Variants in N4BP3 observed in about 807,000 individuals in gnomAD.
N4BP3 encodes NEDD4-binding protein 3.
A neutral mutation model predicts 43.8 loss-of-function variants in N4BP3; 33 were observed. The observed-to-expected ratio is 0.75, with a 90% CI of 0.57 to 1.01. The LOEUF is 1.01. N4BP3 is among the 50% of genes least tolerant of loss of function. N4BP3 has a pLI of 0.00. For missense variants in N4BP3, 756 were observed against 744.2 expected (o/e 1.02, Z -0.18); for synonymous variants, 326 against 321.9 (o/e 1.01, Z -0.14).
downstream of N4BP3, among the ~76,000 whole-genome samples, chr5:178,126,812 T>G (rs1391739622): frequency 6.6e-6 from 1 of 152,192 alleles, no homozygotes; most frequent in Admixed American, 6.5e-5. Context: ...CTGGGCTGCT[T>G]GAGAGGTTTT....
chr5:178,115,439 C>A (rs1028061769), intron 1 of N4BP3, among the ~76,000 whole-genome samples: 2 of 152,136 alleles, frequency 1.3e-5, no homozygotes, highest in Non-Finnish European at 2.9e-5. Context: ...GGTGGTGGGA[C>A]CTTTCCCTGG....
chr5:178,119,272 C>G lies in N4BP3; in HGVS notation c.-30-282C>G, dbSNP rs566907846. Among the ~76,000 whole-genome samples, 97 of 152,342 alleles carry G rather than the reference C, an allele frequency of 6.4e-4. 1 individual carries two copies. The highest frequency in any genetic ancestry group is 7.8e-4 in the Admixed American group (12 of 15,302). ...GTACTTCTGAATCCCACACAGGCCC[C>G]GAGGTGGAGCTGGCCCTTCGGTGCT... On this transcript the variant is annotated intron_variant, in intron 1 of 4. Transcript: ENST00000274605.
rs1757956129 is a variant in N4BP3 at position 178,122,475 on chromosome 5, C to T, written c.*474C>T. The T allele has an allele frequency of 6.1e-6, 1 of 164,850 alleles. No individual in the cohort carries two copies. Among genetic ancestry groups the T allele is most frequent in the South Asian group, 1.6e-4 (1 of 6,258 alleles). 10.2% of individuals were successfully genotyped at this position (164,850 alleles called of 1,614,324 possible). On this transcript the variant is annotated 3_prime_UTR_variant, in exon 5 of 5. Transcript: ENST00000274605. ...TCGGGATTGAGGCTGTTGACCTGGG[C>T]AGTAGCTCCTCCCATGGCCAGTGGT...
intron 1 of N4BP3, among the ~76,000 whole-genome samples, chr5:178,115,683 G>A (rs1449554772): frequency 6.6e-6 from 1 of 152,222 alleles, no homozygotes; most frequent in East Asian, 1.9e-4. Flanking sequence ...CATCTCCTGT[G>A]TGTCTTGTGA....
Position 178,125,137 on chromosome 5 carries a change from C to T in N4BP3, c.*3136C>T, listed in dbSNP as rs947022933. On this transcript the variant is annotated 3_prime_UTR_variant, in exon 5 of 5. Transcript: ENST00000274605. ...GTGGGCACCAGGTCTGTGCCAAGCA[C>T]AGGGACTCCAGGGGCAGCTGCCATT... is the stretch of plus-strand genomic sequence containing the variant. The T allele has an allele frequency of 2.9e-4, 44 of 152,356 alleles. No homozygotes were observed. Among genetic ancestry groups the T allele is most frequent in the Non-Finnish European group, 2.9e-5 (2 of 68,178 alleles). The allele number at this position is 152,356 out of a possible 1,614,324, so 9.4% of individuals were successfully genotyped here. A position where few individuals can be genotyped will look rare whatever the true frequency, so the allele number is the denominator to read the frequency against.
intron 1 of N4BP3, among the ~76,000 whole-genome samples, chr5:178,119,338 A>G (rs1037762953): frequency 6.6e-6 from 1 of 152,206 alleles, no homozygotes; most frequent in African/African-American, 2.4e-5. Context: ...TCAGTCCAGC[A>G]AGTGACAGAT....
rs372155688 is a variant in N4BP3 at position 178,122,049 on chromosome 5, G to A, written c.*48G>A. ...CAGCAACACTGTCAGAAGGTGCCCT[G>A]AGACGGCCGGCTCAGCCTTCCCTTG... On this transcript the variant is annotated 3_prime_UTR_variant, in exon 5 of 5. Coordinates refer to ENST00000274605, the MANE Select transcript of N4BP3 (RefSeq NM_015111.2). 30 of 1,519,856 alleles carry A rather than the reference G, an allele frequency of 2.0e-5. No homozygotes were observed. In the African/African-American group the frequency reaches 4.0e-4, roughly 20 times the overall value. The allele number at this position is 1,519,856 out of a possible 1,614,324, so 94.1% of individuals were successfully genotyped here. A position where few individuals can be genotyped will look rare whatever the true frequency, so the allele number is the denominator to read the frequency against.
At position 178,119,534 on chromosome 5, in the gene N4BP3, T is replaced by C. The variant is rs374718922; in HGVS notation, c.-30-20T>C. 276 of 1,499,978 alleles carry C rather than the reference T, an allele frequency of 1.8e-4. No individual in the cohort carries two copies. The highest frequency in any genetic ancestry group is 8.3e-4 in the East Asian group (36 of 43,366). 92.9% of individuals were successfully genotyped at this position (1,499,978 alleles called of 1,614,324 possible). A position where few individuals can be genotyped will look rare whatever the true frequency, so the allele number is the denominator to read the frequency against. The stretch of plus-strand genomic sequence containing the variant: ...GCAGCCAGTGCTCACCTGCCCCTAA[T>C]GGAGCCTCCCAATTCCCAGAAGCAG... On this transcript the variant is annotated intron_variant, in intron 1 of 4. Coordinates refer to ENST00000274605, the MANE Select transcript of N4BP3 (RefSeq NM_015111.2).
At chr5:178,120,886 C>T (rs1472563657) in intron 3 of N4BP3, among the ~76,000 whole-genome samples, 187 bp downstream of exon 3, 1 of 152,204 alleles carries the variant, frequency 6.6e-6, no homozygotes, top group East Asian at 1.9e-4. Flanking sequence ...GGGTCCTTGC[C>T]TGGGAGTTGT....
rs1757887329 is a variant in N4BP3 at position 178,120,377 on chromosome 5, T to C, written c.530T>C (p.Leu177Pro). The change falls in exon 3 of 5, where the codon CTA becomes CCA. Residue 177 changes from leucine (L) to proline (P), a missense_variant. Leu to Pro is a moderately conservative substitution (Grantham distance 98, BLOSUM62 -3). Transcript: ENST00000274605. Reference protein sequence around the residue: ...ARAQLLHALSLDEGGPEPEPS... With the variant: ...ARAQLLHALSPDEGGPEPEPS... The stretch of plus-strand genomic sequence containing the variant: ...GCACAGCTGCTGCACGCCCTCAGCC[T>C]AGATGAGGGCGGCCCTGAGCCCGAG... The C allele has an allele frequency of 6.2e-7, 1 of 1,612,374 alleles. No individual in the cohort carries two copies. Among genetic ancestry groups the C allele is most frequent in the Non-Finnish European group, 8.5e-7 (1 of 1,179,746 alleles).
intron 1 of N4BP3, among the ~76,000 whole-genome samples, chr5:178,116,722 C>T (rs1757781145): frequency 6.6e-6 from 1 of 152,154 alleles, no homozygotes; most frequent in South Asian, 2.1e-4. Flanking sequence ...AGGGACTTTC[C>T]CTGGACCTGC....
chr5:178,113,975 G>A (rs1757709686), intron 1 of N4BP3, among the ~76,000 whole-genome samples: 1 of 152,204 alleles, frequency 6.6e-6, no homozygotes, highest in Admixed American at 6.5e-5. Flanking sequence ...CCGAGGCACC[G>A]GATCGGGGAC....
chr5:178,114,125 T>C (rs1456175112), intron 1 of N4BP3, among the ~76,000 whole-genome samples: 2 of 152,156 alleles, frequency 1.3e-5, no homozygotes, highest in Non-Finnish European at 2.9e-5. Flanking sequence ...CGCCGGCGTC[T>C]GACCTCGGCC....
At position 178,122,661 on chromosome 5, in the gene N4BP3, C is replaced by T. The variant is rs1330499034; in HGVS notation, c.*660C>T. ...CCAGTGGAGTTTTCAGAAGGAACAA[C>T]ACCAGGGAATGCCAAAAAAACAAAG... On this transcript the variant is annotated 3_prime_UTR_variant, in exon 5 of 5. Coordinates refer to ENST00000274605, the MANE Select transcript of N4BP3 (RefSeq NM_015111.2). 2.6e-5 allele frequency: 4 copies of T among 152,210 alleles called. No individual in the cohort carries two copies. The highest frequency in any genetic ancestry group is 9.7e-5 in the African/African-American group (4 of 41,440). The allele number at this position is 152,210 out of a possible 1,614,324, so 9.4% of individuals were successfully genotyped here.
At position 178,121,538 on chromosome 5, in the gene N4BP3, T is replaced by G. The variant is rs1353191672; in HGVS notation, c.1172T>G (p.Leu391Arg). The G allele has an allele frequency of 1.2e-5, 20 of 1,613,736 alleles. No homozygotes were observed. The highest frequency in any genetic ancestry group is 1.6e-5 in the Non-Finnish European group (19 of 1,180,000). Reference protein sequence around the residue: ...KQQLREAQAELAQKLAEIFSL... With the variant: ...KQQLREAQAERAQKLAEIFSL... The stretch of plus-strand genomic sequence containing the variant: ...CAGCTGCGTGAAGCCCAGGCGGAAC[T>G]GGCCCAGAAGCTGGCGGAGATCTTC... Residue 391 changes from leucine to arginine, a missense_variant, in exon 5 of 5, where the codon CTG becomes CGG. Physicochemically the swap from Leu to Arg is moderately radical, Grantham distance 102 (BLOSUM62 -2). Coordinates refer to ENST00000274605, the MANE Select transcript of N4BP3 (RefSeq NM_015111.2).
rs141201575 is a variant in N4BP3 at position 178,119,812 on chromosome 5, C to G, written c.229C>G (p.Arg77Gly). Residue 77 changes from arginine to glycine, a missense_variant, in exon 2 of 5, where the codon CGG becomes GGG. Arg to Gly is a moderately radical substitution (Grantham distance 125). Transcript: ENST00000274605. ...KSTKNTKRAP[R>G]NEPADYATLY... is the part of the protein sequence containing the mutation. ...CACCAAGAACACCAAGCGGGCCCCTCGGAACGAGCCTGCCGACTATGCCAC... is the reference window on the plus strand; with the variant it reads ...CACCAAGAACACCAAGCGGGCCCCTGGGAACGAGCCTGCCGACTATGCCAC... 6.2e-7 allele frequency: 1 copy of G among 1,613,268 alleles called. No individual in the cohort carries two copies. Among genetic ancestry groups the G allele is most frequent in the South Asian group, 1.1e-5 (1 of 91,094 alleles).
At position 178,120,249 on chromosome 5, in the gene N4BP3, G is replaced by T; in HGVS notation, c.402G>T (p.Leu134=). 1 of 1,607,946 alleles carries T rather than the reference G, an allele frequency of 6.2e-7. No homozygotes were observed. Among genetic ancestry groups the T allele is most frequent in the Non-Finnish European group, 8.5e-7 (1 of 1,176,260 alleles). ...NGKGFLSMQS[L]ASHKGQKLWR... is the part of the protein sequence containing the mutation. ...AAGGCTTCCTATCCATGCAAAGTCT[G>T]GCGTCCCACAAAGGCCAGAAGCTGT... The change falls in exon 3 of 5, where the codon CTG becomes CTT. Residue 134 remains leucine, a synonymous_variant. Coordinates refer to ENST00000274605, the MANE Select transcript of N4BP3 (RefSeq NM_015111.2).
rs567308395 is a variant in N4BP3, at chr5:178,121,191, G to T, written c.946G>T (p.Glu316Ter). 1.9e-6 allele frequency: 3 copies of T among 1,601,836 alleles called. No homozygotes were observed. Among genetic ancestry groups the T allele is most frequent in the Non-Finnish European group, 2.5e-6 (3 of 1,177,090 alleles). The part of the protein sequence containing the change: ...HEVTQKAERS[E>*]RNLQLQLFMA... ...GGTGACCCAGAAGGCTGAGCGCAGCGAGCGCAACCTCCAGCTGCAGCTGTT... is the reference window on the plus strand; with the variant it reads ...GGTGACCCAGAAGGCTGAGCGCAGCTAGCGCAACCTCCAGCTGCAGCTGTT... The change falls in exon 4 of 5, where the codon GAG (glutamate) becomes TAG (stop). Residue 316 changes from glutamate to a stop codon, truncating the protein, a stop_gained. Coordinates refer to ENST00000274605, the MANE Select transcript of N4BP3 (RefSeq NM_015111.2). LOFTEE classifies it high-confidence loss of function.
At chr5:178,114,603 C>G (rs981957073) in intron 1 of N4BP3, among the ~76,000 whole-genome samples, 3 of 152,238 alleles carry the variant, frequency 2.0e-5, no homozygotes, top group African/African-American at 7.2e-5. Flanking sequence ...CCTGGCTGTC[C>G]TCGGGAGGGA....
Sources: allele counts gnomAD v4.1 joint callset (sites outside exome capture counted in the v4.1 genomes callset), GRCh38; gene constraint gnomAD v4.1.1; transcripts MANE v1.5; gene names NCBI Gene and HGNC (gene_info 2026-07-23, HGNC 2026-07-21).